VWF: variants seen among roughly 807,000 people sequenced by gnomAD.
VWF encodes Factor VIII related antigen.
A neutral mutation model predicts 308.6 loss-of-function variants in VWF; 176 were observed. That is an observed-to-expected ratio of 0.57 (90% confidence interval 0.50 to 0.65). VWF has a LOEUF of 0.65. Among genes scored for constraint, VWF ranks in the 30% least tolerant of loss-of-function variants. The pLI is 0.00. For synonymous variants in VWF, 1,385 were observed against 1,443.4 expected (o/e 0.96, Z 0.92); for missense variants, 3,146 against 3,648.2 (o/e 0.86, Z 3.55).
rs572848745 is a variant in VWF at position 6,088,672 on chromosome 12, G to A, written c.657+6788C>T. ...CTTGCTGGCCTTCCCCAGTCTGATC[G>A]AATTTTTTTAAAGTGATCTAAGGGT... On this transcript the variant is annotated intron_variant, in intron 6 of 51. Transcript: ENST00000261405. Among the ~76,000 whole-genome samples the A allele has an allele frequency of 3.1e-4, 47 of 152,168 alleles. 3 individuals carry two copies. In the South Asian group the frequency reaches 8.3e-3, roughly 27 times the overall value.
rs1944096914 is a variant in VWF at position 6,019,013 on chromosome 12, G to C, written c.4405C>G (p.Leu1469Val). The C allele has an allele frequency of 2.5e-6, 4 of 1,613,954 alleles. No individual in the cohort carries two copies. The highest frequency in any genetic ancestry group is 2.5e-6 in the Non-Finnish European group (3 of 1,179,868). ...DLAPEAPPPT[L>V]PPDMAQVTVG... ...GTGACTTGTGCCATGTCGGGGGGCA[G>C]AGTAGGAGGAGGGGCTTCAGGGGCA... is the stretch of plus-strand genomic sequence containing the variant. Residue 1469 changes from leucine (L) to valine (V), a missense_variant, in exon 28 of 52, where the codon CTG becomes GTG. By Grantham distance (32) the Leu-to-Val change is conservative. Transcript: ENST00000261405. The surrounding 1 kb of genome is among the most constrained non-coding windows in gnomAD (Gnocchi z 5.8).
intron 6 of VWF, among the ~76,000 whole-genome samples, chr12:6,086,833 A>G (rs555946379): frequency 1.3e-5 from 2 of 152,106 alleles, no homozygotes; most frequent in Non-Finnish European, 2.9e-5. Context: ...TCTCTAACGG[A>G]ATGGGTATTT....
chr12:6,029,808 T>A (rs1474178146), intron 21 of VWF, among the ~76,000 whole-genome samples: 1 of 152,242 alleles, frequency 6.6e-6, no homozygotes, highest in Non-Finnish European at 1.5e-5. Context: ...AGTCATTAAA[T>A]ATAGTGGTCT....
rs777023647 is a variant in VWF, at chr12:5,991,937, C to A, written c.6680G>T (p.Cys2227Phe). 3.1e-6 allele frequency: 5 copies of A among 1,614,250 alleles called. No individual in the cohort carries two copies. Among genetic ancestry groups the A allele is most frequent in the Non-Finnish European group, 4.2e-6 (5 of 1,180,040 alleles). ...ACAGCCTTCGGAGGGATGGTCCCCA[C>A]AGGAGCTCACGTTGCCATCACAGTG... is the stretch of plus-strand genomic sequence containing the variant. ...PRHCDGNVSS[C>F]GDHPSEGCFC... Residue 2227 changes from cysteine to phenylalanine, a missense_variant, in exon 38 of 52, where the codon TGT (cysteine) becomes TTT (phenylalanine). Around this residue, in one of 3 missense-constraint regions of VWF, gnomAD observed 989 missense variants for 1,117.4 expected, o/e 0.89. Coordinates refer to ENST00000261405, the MANE Select transcript of VWF (RefSeq NM_000552.5).
intron 45 of VWF, 125 bp from the exon 46 acceptor site, chr12:5,968,292 T>C (rs1591835310): frequency 2.5e-6 from 3 of 1,194,964 alleles, no homozygotes; most frequent in East Asian, 5.1e-5. Context: ...GGTCGGCCCT[T>C]TCCCCCCACC....
At position 5,948,890 on chromosome 12, in the gene VWF, G is replaced by C. The variant is rs1466870282; in HGVS notation, c.*125C>G. 8.5e-7 allele frequency: 1 copy of C among 1,177,082 alleles called. No individual in the cohort carries two copies. The allele number at this position is 1,177,082 out of a possible 1,614,324, so 72.9% of individuals were successfully genotyped here. A position where few individuals can be genotyped will look rare whatever the true frequency, so the allele number is the denominator to read the frequency against. On this transcript the variant is annotated 3_prime_UTR_variant, in exon 52 of 52. Transcript: ENST00000261405. The surrounding 1 kb of genome is among the most constrained non-coding windows in gnomAD (Gnocchi z 4.4). ...GCACCAGCAGCCTTTTGCAAGATAA[G>C]AGCTCAGCCTTTATTGTGGGCTCAG...
rs764884764 is a variant in VWF, at chr12:6,016,580, C to T, written c.5247G>A (p.Pro1749=). 75 of 1,614,064 alleles carry T rather than the reference C, an allele frequency of 4.6e-5. No homozygotes were observed. Among genetic ancestry groups the T allele is most frequent in the South Asian group, 7.7e-5 (7 of 91,084 alleles). Residue 1749 remains proline (P), a synonymous_variant, in exon 30 of 52, where the codon CCG becomes CCA. Transcript: ENST00000261405. ...TTIDVPWNVV[P]EKAHLLSLVD... ...CAAGGCTCAGCAAATGGGCTTTCTCCGGGACCACGTTCCATGGCACGTCAA... is the reference window on the plus strand; with the variant it reads ...CAAGGCTCAGCAAATGGGCTTTCTCTGGGACCACGTTCCATGGCACGTCAA...
intron 42 of VWF, among the ~76,000 whole-genome samples, chr12:5,981,284 C>T (rs372721862): frequency 2.9e-4 from 44 of 152,138 alleles, no homozygotes; most frequent in Non-Finnish European, 5.3e-4. Flanking sequence ...ATCTCACCTA[C>T]TCGTGAGGCA....
chr12:5,952,639 G>A, intron 48 of VWF, 120 bp from the exon 49 acceptor site: 1 of 1,389,010 alleles, frequency 7.2e-7, no homozygotes, highest in Non-Finnish European at 9.8e-7. Flanking sequence ...GAAACAAGAA[G>A]ACAGTGTATA....
intron 15 of VWF, among the ~76,000 whole-genome samples, chr12:6,056,408 C>G (rs920461905): frequency 6.7e-6 from 1 of 150,164 alleles, no homozygotes; most frequent in African/African-American, 2.5e-5. Flanking sequence ...GAGGTTTTGT[C>G]CATCGGTGGT....
At chr12:6,006,505 C>T (rs769971210) in intron 34 of VWF, among the ~76,000 whole-genome samples, 3 of 152,072 alleles carry the variant, frequency 2.0e-5, no homozygotes, top group African/African-American at 4.8e-5. Flanking sequence ...CAGCCAGGTG[C>T]GGTGGCTCAT....
chr12:5,998,247 T>C (rs533038306), intron 34 of VWF, among the ~76,000 whole-genome samples: 132 of 151,564 alleles, frequency 8.7e-4, no homozygotes, highest in South Asian at 3.3e-3. Context: ...ACCTGTAATC[T>C]CAGCACTTTG....
intron 17 of VWF, among the ~76,000 whole-genome samples, chr12:6,044,866 G>T (rs533539198): frequency 2.5e-4 from 38 of 152,270 alleles, no homozygotes; most frequent in African/African-American, 7.7e-4. Context: ...AATGTGGGGA[G>T]AGAAGGCCAT....
At chr12:6,081,615 G>A (rs1197048015) in intron 6 of VWF, among the ~76,000 whole-genome samples, 1 of 152,226 alleles carries the variant, frequency 6.6e-6, no homozygotes. Flanking sequence ...TGGGATTACA[G>A]GAGTGAGCCA....
chr12:5,967,831 G>A (rs1359250341), intron 46 of VWF, among the ~76,000 whole-genome samples: 3 of 152,174 alleles, frequency 2.0e-5, no homozygotes, highest in Non-Finnish European at 4.4e-5. Context: ...AGTGGCAGAG[G>A]GGACAAACTA....
At chr12:6,039,368 A>AGAG (rs1277683380) in intron 18 of VWF, among the ~76,000 whole-genome samples, 35 of 152,164 alleles carry the variant, frequency 2.3e-4, no homozygotes, top group African/African-American at 7.0e-4. Flanking sequence ...AAAAGGCCCC[A>AGAG]TTGTCCCCAA....
intron 47 of VWF, among the ~76,000 whole-genome samples, chr12:5,954,454 A>G (rs899863828): frequency 6.6e-6 from 1 of 152,224 alleles, no homozygotes; most frequent in South Asian, 2.1e-4. Flanking sequence ...GAAAAAAGGA[A>G]CCATAATGGA....
chr12:6,013,636 A>G lies in VWF; in HGVS notation c.5465T>C (p.Val1822Ala), dbSNP rs61750609. 6.2e-7 allele frequency: 1 copy of G among 1,613,018 alleles called. No individual in the cohort carries two copies. Among genetic ancestry groups the G allele is most frequent in the African/African-American group, 1.3e-5 (1 of 74,904 alleles). The change falls in exon 32 of 52, where the codon GTG becomes GCG. Residue 1822 changes from valine (V) to alanine (A), a missense_variant. This residue lies in a region of VWF where 853 missense variants were observed against 1,177.8 expected (regional missense o/e 0.72). Transcript: ENST00000261405. ...GCGATCTCCAATTCCAATAGGGAAC[A>G]CTGTCACTCCTAGAGTTAGCAAAGA... ...ADAARSNRVT[V>A]FPIGIGDRYD... is the part of the protein sequence containing the mutation.
chr12:6,047,780 T>C (rs111304699), intron 16 of VWF, among the ~76,000 whole-genome samples: 2,871 of 152,350 alleles, frequency 0.019, 94 homozygotes, highest in African/African-American at 0.063. Flanking sequence ...CACGGACCAC[T>C]TGTCTGTGAC....
Sources: gnomAD v4.1 joint callset for allele counts (sites outside exome capture counted in the v4.1 genomes callset) on GRCh38, gnomAD v4.1.1 for gene constraint, gnomAD v4.1.1 regional missense constraint, Gnocchi (gnomAD v3.1) non-coding constraint, MANE v1.5 for transcripts, NCBI Gene and HGNC (gene_info 2026-07-23, HGNC 2026-07-21) for gene names.